Variants in FZD6 observed in about 807,000 individuals in gnomAD.
FZD6 encodes frizzled-6.
In FZD6, 49 loss-of-function variants were observed where a neutral mutation model predicts 61.4. The observed-to-expected ratio is 0.80, with a 90% CI of 0.63 to 1.01. The LOEUF is 1.01. FZD6 is among the 50% of genes least tolerant of loss of function. The pLI is 0.00. For synonymous variants in FZD6, 265 were observed against 292.2 expected (o/e 0.91, Z 0.95); for missense variants, 724 against 848.2 (o/e 0.85, Z 1.82).
In FZD6 at chr8:103,309,399, A is replaced by C. The variant is rs187030077; in HGVS notation, c.177+9115A>C. ...TACAGGAAAGAGACCACATCTGGAG[A>C]ATCACCTTAGCCAATTGAGTTGAGG... On this transcript the variant is annotated intron_variant, in intron 2 of 6. Coordinates refer to ENST00000358755, the MANE Select transcript of FZD6 (RefSeq NM_003506.4). 2.0e-3 allele frequency among the ~76,000 whole-genome samples: 305 copies of C among 152,326 alleles called. 1 individual carries two copies. Among genetic ancestry groups the C allele is most frequent in the Non-Finnish European group, 3.7e-3 (254 of 68,030 alleles).
intron 6 of FZD6, 46 bp downstream of exon 6, chr8:103,330,111 A>G: frequency 2.0e-6 from 3 of 1,466,536 alleles, no homozygotes; most frequent in Non-Finnish European, 2.9e-6. Context: ...TAAATACTGC[A>G]TTACACATTT....
chr8:103,321,499 C>G (rs1228135522), intron 3 of FZD6, among the ~76,000 whole-genome samples: 1 of 152,158 alleles, frequency 6.6e-6, no homozygotes, highest in Non-Finnish European at 1.5e-5. Context: ...GATTAAAACA[C>G]AAAATCTAGC....
At chr8:103,303,992 G>T (rs1248472699) in intron 2 of FZD6, among the ~76,000 whole-genome samples, 1 of 151,454 alleles carries the variant, frequency 6.6e-6, no homozygotes, top group African/African-American at 2.4e-5. Flanking sequence ...CTAAATTATA[G>T]CTGCTTGTAA....
Position 103,326,670 on chromosome 8 carries a change from A to C in FZD6, c.1392+1172A>C, listed in dbSNP as rs985696920. On this transcript the variant is annotated intron_variant, in intron 4 of 6. Transcript: ENST00000358755. The stretch of plus-strand genomic sequence containing the variant: ...TGCTAAATTTGACTAAGTAAAAAAA[A>C]ATTTTTTTAAAGATTCTGCGTGACA... Among the ~76,000 whole-genome samples the C allele has an allele frequency of 6.7e-4, 99 of 148,164 alleles. 1 individual carries two copies. The highest frequency in any genetic ancestry group is 6.6e-3 in the Admixed American group (98 of 14,802).
chr8:103,318,405 A>AT (rs1180410658), intron 2 of FZD6, among the ~76,000 whole-genome samples, 185 bp from the exon 3 acceptor site: 1 of 152,194 alleles, frequency 6.6e-6, no homozygotes, highest in East Asian at 1.9e-4. Context: ...CTTCTTGAAA[A>AT]ATATATGATT....
In FZD6 at chr8:103,331,924, A is replaced by G. The variant is rs1815149505; in HGVS notation, c.*415A>G. ...TTTATACATATTTGAAAATAAGCTT[A>G]TATGTATTTGAACTTTTTTGAAATC... On this transcript the variant is annotated 3_prime_UTR_variant, in exon 7 of 7. Transcript: ENST00000358755. 5.7e-6 allele frequency: 1 copy of G among 174,364 alleles called. No homozygotes were observed. Among genetic ancestry groups the G allele is most frequent in the Admixed American group, 5.7e-5 (1 of 17,698 alleles). The allele number at this position is 174,364 out of a possible 1,614,324, so 10.8% of individuals were successfully genotyped here.
chr8:103,331,155 A>G (rs980230607), intron 6 of FZD6, among the ~76,000 whole-genome samples, 186 bp from the exon 7 acceptor site: 9 of 150,820 alleles, frequency 6.0e-5, no homozygotes, highest in Non-Finnish European at 1.3e-4. Context: ...ACTCCAGCCT[A>G]GCAACAGAGT....
intron 4 of FZD6, among the ~76,000 whole-genome samples, chr8:103,325,929 A>T (rs1225646438): frequency 6.6e-6 from 1 of 152,202 alleles, no homozygotes; most frequent in Admixed American, 6.5e-5. Context: ...ATATACTTAC[A>T]AAAACAGAAT....
At chr8:103,323,065 A>G (rs1427444502) in intron 3 of FZD6, among the ~76,000 whole-genome samples, 1 of 152,190 alleles carries the variant, frequency 6.6e-6, no homozygotes, top group Non-Finnish European at 1.5e-5. Context: ...TTAAAATGTA[A>G]GTTATAGCAT....
intron 6 of FZD6, among the ~76,000 whole-genome samples, chr8:103,330,983 C>G (rs1815105253): frequency 6.6e-6 from 1 of 152,170 alleles, no homozygotes; most frequent in South Asian, 2.1e-4. Context: ...CGAGACCATT[C>G]TGGCTAACAT....
At chr8:103,317,209 T>C (rs1433725530) in intron 2 of FZD6, among the ~76,000 whole-genome samples, 1 of 152,092 alleles carries the variant, frequency 6.6e-6, no homozygotes, top group Non-Finnish European at 1.5e-5. Flanking sequence ...GAGACAGAAA[T>C]ACACATGGAA....
chr8:103,325,154 G>T lies in FZD6; in HGVS notation c.1048G>T (p.Gly350Ter). 1 of 1,614,036 alleles carries T rather than the reference G, an allele frequency of 6.2e-7. No individual in the cohort carries two copies. The highest frequency in any genetic ancestry group is 8.5e-7 in the Non-Finnish European group (1 of 1,179,906). Residue 350 changes from glycine (G) to a stop codon, truncating the protein, a stop_gained, in exon 4 of 7, where the codon GGA becomes TGA. Coordinates refer to ENST00000358755, the MANE Select transcript of FZD6 (RefSeq NM_003506.4). LOFTEE classifies it high-confidence loss of function. ...GCTTCTTGCTATGAACAAAGTTGAAGGAGACAACATTAGTGGAGTTTGCTT... is the reference window on the plus strand; with the variant it reads ...GCTTCTTGCTATGAACAAAGTTGAATGAGACAACATTAGTGGAGTTTGCTT... ...VMLLAMNKVEGDNISGVCFVG... is the reference protein window; with the variant it reads ...VMLLAMNKVE
chr8:103,320,051 G>T (rs1366813836), intron 3 of FZD6, among the ~76,000 whole-genome samples: 1 of 152,214 alleles, frequency 6.6e-6, no homozygotes, highest in African/African-American at 2.4e-5. Context: ...TTTGGCCATG[G>T]ATGGGAGGAA....
Position 103,318,033 on chromosome 8 carries a change from CG to C in FZD6, c.178-555del, listed in dbSNP as rs576345998. On this transcript the variant is annotated intron_variant, in intron 2 of 6. Coordinates refer to ENST00000358755, the MANE Select transcript of FZD6 (RefSeq NM_003506.4). The stretch of plus-strand genomic sequence containing the variant: ...CATTAACAGCCAAATGGAGTTGTCC[CG>C]GAGCAGATGCTCATTCAAGTCTGTG... 5.9e-4 allele frequency among the ~76,000 whole-genome samples: 90 copies of C among 152,066 alleles called. 1 individual carries two copies. The South Asian group carries it at 0.018, about 31-fold the overall frequency.
chr8:103,299,229 C>T (rs1814071903), intron 1 of FZD6, among the ~76,000 whole-genome samples: 1 of 152,212 alleles, frequency 6.6e-6, no homozygotes, highest in Non-Finnish European at 1.5e-5. Flanking sequence ...TGCTGTCTGG[C>T]TCTAGGCCTG....
intron 3 of FZD6, 98 bp downstream of exon 3, chr8:103,318,884 A>C: frequency 1.3e-6 from 1 of 771,830 alleles, no homozygotes; most frequent in South Asian, 1.4e-5. Flanking sequence ...TTAATTCCAT[A>C]AATGTTTATT....
At chr8:103,330,994 G>A (rs754242622) in intron 6 of FZD6, among the ~76,000 whole-genome samples, 63 of 152,260 alleles carry the variant, frequency 4.1e-4, no homozygotes, top group East Asian at 5.8e-4. Flanking sequence ...TGGCTAACAT[G>A]GTGAAACCCC....
chr8:103,311,218 C>T (rs1814487818), intron 2 of FZD6, among the ~76,000 whole-genome samples: 1 of 152,216 alleles, frequency 6.6e-6, no homozygotes, highest in South Asian at 2.1e-4. Context: ...GCAAGGATTA[C>T]TGATCGCATT....
intron 1 of FZD6, 89 bp from the exon 2 acceptor site, chr8:103,299,867 C>G (rs144765772): frequency 3.2e-5 from 15 of 466,960 alleles, no homozygotes; most frequent in Non-Finnish European, 4.7e-5. Context: ...GTGTTTGTTA[C>G]CTGGGGTGAA....
Sources: gnomAD v4.1 joint callset for allele counts (sites outside exome capture counted in the v4.1 genomes callset) on GRCh38, gnomAD v4.1.1 for gene constraint, MANE v1.5 for transcripts, NCBI Gene and HGNC (gene_info 2026-07-23, HGNC 2026-07-21) for gene names.